Variants in SMC5 observed in about 807,000 individuals in gnomAD.
SMC5 encodes the protein structural maintenance of chromosomes 5, also known as structural maintenance of chromosomes protein 5.
In SMC5, 88 loss-of-function variants were observed where a neutral mutation model predicts 148.3. The ratio of observed to expected loss-of-function variants is 0.59; its 90% CI spans 0.50 to 0.71. The LOEUF (loss-of-function observed/expected upper bound fraction) is 0.71, where lower values mean the gene tolerates loss of function less well. Among genes scored for constraint, SMC5 ranks in the 30% least tolerant of loss-of-function variants. The pLI is 0.00. For synonymous variants in SMC5, 421 were observed against 432.8 expected, an observed-to-expected ratio of 0.97 and a Z score of 0.34; for missense variants, 1,142 against 1,298.9, an observed-to-expected ratio of 0.88 and a Z score of 1.86.
chr9:70,297,458 G>A (rs2035231742), intron 8 of SMC5, among the ~76,000 whole-genome samples: 1 of 152,084 alleles, frequency 6.6e-6, no homozygotes, highest in South Asian at 2.1e-4. Context: ...AATGTGTTCT[G>A]GGTAATTTGT....
chr9:70,307,896 T>C (rs1034110815), intron 11 of SMC5, among the ~76,000 whole-genome samples: 3 of 152,216 alleles, frequency 2.0e-5, no homozygotes, highest in Non-Finnish European at 4.4e-5. Context: ...TATGTTGCCA[T>C]TGTATTTTGA....
rs1353231811 is a variant in SMC5 at position 70,352,389 on chromosome 9, G to A, written c.*58G>A. ...TTTGTTAAATTCTGTTTATAAGTATGGCTCAACTGAATAAAAGGAGATTCA... is the reference window on the plus strand; with the variant it reads ...TTTGTTAAATTCTGTTTATAAGTATAGCTCAACTGAATAAAAGGAGATTCA... On this transcript the variant is annotated 3_prime_UTR_variant, in exon 25 of 25. Transcript: ENST00000361138. 6.8e-7 allele frequency: 1 copy of A among 1,478,642 alleles called. No individual in the cohort carries two copies. Among genetic ancestry groups the A allele is most frequent in the Non-Finnish European group, 9.1e-7 (1 of 1,098,702 alleles). 91.6% of individuals were successfully genotyped at this position (1,478,642 alleles called of 1,614,324 possible).
intron 17 of SMC5, among the ~76,000 whole-genome samples, chr9:70,339,865 G>A (rs1029557950): frequency 6.6e-6 from 1 of 152,104 alleles, no homozygotes; most frequent in Admixed American, 6.5e-5. Flanking sequence ...CCTCTCTTTG[G>A]TAATGTCACT....
chr9:70,259,982 C>A (rs759681432), intron 1 of SMC5, among the ~76,000 whole-genome samples: 9 of 150,850 alleles, frequency 6.0e-5, no homozygotes, highest in Non-Finnish European at 5.9e-5. Context: ...CTCCTGTAGC[C>A]CACGCTGGAT....
intron 16 of SMC5, 103 bp from the exon 17 acceptor site, chr9:70,323,918 T>C: frequency 8.8e-7 from 1 of 1,133,572 alleles, no homozygotes; most frequent in East Asian, 2.7e-5. Context: ...AATAGGAAAA[T>C]TATTTTTTCA....
Position 70,277,440 on chromosome 9 carries a change from C to T in SMC5, c.511C>T (p.Gln171Ter). The T allele has an allele frequency of 6.3e-7, 1 of 1,595,492 alleles. No individual in the cohort carries two copies. The highest frequency in any genetic ancestry group is 2.3e-5 in the East Asian group (1 of 43,878). The change falls in exon 4 of 25, where the codon CAA (glutamine) becomes TAA (stop). Residue 171 changes from glutamine (Q) to a stop codon, truncating the protein, a stop_gained. Coordinates refer to ENST00000361138, the MANE Select transcript of SMC5 (RefSeq NM_015110.4). LOFTEE classifies it high-confidence loss of function. ...VEEKVAALNIQVGNLCQFLPQ... is the reference protein window; with the variant it reads ...VEEKVAALNI ...AGAGAAAGTTGCAGCCTTAAATATTCAAGTGGGGAATCTTTGCCAGTTTCT... is the reference window on the plus strand; with the variant it reads ...AGAGAAAGTTGCAGCCTTAAATATTTAAGTGGGGAATCTTTGCCAGTTTCT...
chr9:70,265,834 A>G (rs2034275094), intron 2 of SMC5, among the ~76,000 whole-genome samples: 1 of 152,240 alleles, frequency 6.6e-6, no homozygotes, highest in Admixed American at 6.5e-5. Flanking sequence ...TCCCAACTCA[A>G]ATTCACATTA....
chr9:70,304,160 C>A (rs891135984), intron 10 of SMC5, among the ~76,000 whole-genome samples: 2 of 152,114 alleles, frequency 1.3e-5, no homozygotes, highest in African/African-American at 4.8e-5. Context: ...ACCATCATAC[C>A]TCACTGTAAC....
At chr9:70,350,316 T>G in intron 23 of SMC5, 23 bp downstream of exon 23, 1 of 1,611,316 alleles carries the variant, frequency 6.2e-7, no homozygotes, top group Non-Finnish European at 8.5e-7. Context: ...TTCTGTTACT[T>G]GGATCTTCTT....
rs372127112 is a variant in SMC5, at chr9:70,298,116, G to C, written c.1204G>C (p.Ala402Pro). ...NCENLQPQID[A>P]ITNDLRRIQD... The stretch of plus-strand genomic sequence containing the variant: ...CGAGAATCTTCAGCCCCAGATTGAT[G>C]CCATTACAAATGATCTGAGACGGAT... Residue 402 changes from alanine (A) to proline (P), a missense_variant, in exon 9 of 25, where the codon GCC becomes CCC. Coordinates refer to ENST00000361138, the MANE Select transcript of SMC5 (RefSeq NM_015110.4). The C allele has an allele frequency of 6.2e-7, 1 of 1,613,934 alleles. No individual in the cohort carries two copies. Among genetic ancestry groups the C allele is most frequent in the Non-Finnish European group, 8.5e-7 (1 of 1,179,962 alleles).
chr9:70,320,180 A>G (rs1484510073), intron 15 of SMC5, among the ~76,000 whole-genome samples: 1 of 152,236 alleles, frequency 6.6e-6, no homozygotes, highest in Admixed American at 6.5e-5. Context: ...TATACTTTTG[A>G]ATATACTACA....
chr9:70,348,169 A>T (rs2036715618), intron 22 of SMC5, 131 bp downstream of exon 22: 1 of 919,920 alleles, frequency 1.1e-6, no homozygotes, highest in South Asian at 2.3e-5. Flanking sequence ...ATGTTGAAAG[A>T]AAGGAGAAAA....
In SMC5 at chr9:70,280,863, T is replaced by C. The variant is rs1443938890; in HGVS notation, c.783T>C (p.Asp261=). 1.2e-5 allele frequency: 19 copies of C among 1,613,890 alleles called. No individual in the cohort carries two copies. The highest frequency in any genetic ancestry group is 1.4e-5 in the Non-Finnish European group (16 of 1,180,004). ...ERFYERKRHL[D]LIEMLEAKRP... ...TCTATGAACGGAAGCGACATTTAGA[T>C]TTAATTGAGATGCTTGAAGCAAAAA... is the stretch of plus-strand genomic sequence containing the variant. The change falls in exon 6 of 25, where the codon GAT becomes GAC. Residue 261 remains aspartate, a synonymous_variant. Transcript: ENST00000361138.
chr9:70,344,205 T>C lies in SMC5; in HGVS notation c.2459T>C (p.Met820Thr), dbSNP rs767366494. Residue 820 changes from methionine (M) to threonine (T), a missense_variant, in exon 18 of 25, where the codon ATG becomes ACG. By Grantham distance (81) the Met-to-Thr change is moderately conservative (BLOSUM62 -1). This residue lies in a region of SMC5 where 743 missense variants were observed against 835.7 expected (regional missense o/e 0.89). Coordinates refer to ENST00000361138, the MANE Select transcript of SMC5 (RefSeq NM_015110.4). ...QRLLQKCKEL[M>T]KRARQVCNLG... is the part of the protein sequence containing the mutation. ...TTATTGCAGAAATGCAAGGAACTTA[T>C]GAAAAGAGCTAGGCAAGTATGTAAC... is the stretch of plus-strand genomic sequence containing the variant. The C allele has an allele frequency of 1.3e-6, 2 of 1,562,182 alleles. No individual in the cohort carries two copies. Among genetic ancestry groups the C allele is most frequent in the Middle Eastern group, 1.7e-4 (1 of 5,888 alleles).
chr9:70,288,238 G>T (rs1180127), intron 8 of SMC5, among the ~76,000 whole-genome samples: 21,666 of 151,988 alleles, frequency 0.14, 1,781 homozygotes, highest in African/African-American at 0.22. Flanking sequence ...GTGTGAGATT[G>T]GCCTATACTT....
At chr9:70,284,599 C>G (rs1200300105) in intron 7 of SMC5, among the ~76,000 whole-genome samples, 3 of 151,930 alleles carry the variant, frequency 2.0e-5, no homozygotes, top group Admixed American at 6.5e-5. Context: ...ATATTTAACC[C>G]TTTGTTTTGT....
chr9:70,308,654 A>G (rs1007970303), intron 11 of SMC5, among the ~76,000 whole-genome samples: 3 of 150,210 alleles, frequency 2.0e-5, no homozygotes, highest in Admixed American at 6.7e-5. Context: ...AAATTCCTCT[A>G]TCCCACCGTG....
At chr9:70,328,183 C>T (rs575642136) in intron 17 of SMC5, among the ~76,000 whole-genome samples, 140 of 152,172 alleles carry the variant, frequency 9.2e-4, no homozygotes, top group African/African-American at 3.0e-3. Context: ...CTGGCCCTTC[C>T]GAAATCTTGT....
chr9:70,354,079 T>A lies in SMC5; in HGVS notation c.*1748T>A, dbSNP rs2036856354. ...GTTCCATACTTTGTTTGTAAACATT[T>A]AATTTCTCTACTGGACAAAATTAAT... On this transcript the variant is annotated 3_prime_UTR_variant, in exon 25 of 25. Coordinates refer to ENST00000361138, the MANE Select transcript of SMC5 (RefSeq NM_015110.4). 1 of 152,254 alleles carries A rather than the reference T, an allele frequency of 6.6e-6. No homozygotes were observed. The highest frequency in any genetic ancestry group is 1.5e-5 in the Non-Finnish European group (1 of 68,036). The allele number at this position is 152,254 out of a possible 1,614,324, so 9.4% of individuals were successfully genotyped here. A position where few individuals can be genotyped will look rare whatever the true frequency, so the allele number is the denominator to read the frequency against.
Sources: gnomAD v4.1 joint callset for allele counts (sites outside exome capture counted in the v4.1 genomes callset) on GRCh38, gnomAD v4.1.1 for gene constraint, gnomAD v4.1.1 regional missense constraint, MANE v1.5 for transcripts, NCBI Gene and HGNC (gene_info 2026-07-23, HGNC 2026-07-21) for gene names.